Variants in DEAF1 observed in about 807,000 individuals in gnomAD.
DEAF1 encodes DEAF1 transcription factor.
Under a neutral mutation model 58.9 loss-of-function variants are expected in DEAF1, and 53 were observed. That is an observed-to-expected ratio of 0.90 (90% CI 0.72 to 1.13). The LOEUF is 1.13. DEAF1 is among the 50% of genes most tolerant of loss of function. The pLI, the probability that DEAF1 is intolerant of heterozygous loss-of-function variation, is 0.00. For missense variants in DEAF1, 685 were observed against 791.4 expected, an observed-to-expected ratio of 0.87 and a Z score of 1.61; for synonymous variants, 385 against 340.4, an observed-to-expected ratio of 1.13 and a Z score of -1.44.
chr11:659,067 C>A (rs772110353), intron 10 of DEAF1, among the ~76,000 whole-genome samples: 4 of 152,080 alleles, frequency 2.6e-5, no homozygotes, highest in Non-Finnish European at 5.9e-5. Flanking sequence ...ATTCATTATT[C>A]TTTCTGCAAA....
upstream of DEAF1, chr11:695,572 G>A: frequency 8.1e-7 from 1 of 1,232,988 alleles, no homozygotes; most frequent in Admixed American, 4.2e-5. Context: ...GTCAGCCCGA[G>A]GCCGAGCCGA....
intron 11 of DEAF1, among the ~76,000 whole-genome samples, chr11:647,046 C>A (rs918108413): frequency 9.9e-5 from 15 of 152,062 alleles, no homozygotes; most frequent in Admixed American, 5.2e-4. Flanking sequence ...GTGGTCCAAG[C>A]TACTTGGGAG....
At position 694,987 on chromosome 11, in the gene DEAF1, C is replaced by T; in HGVS notation, c.61G>A (p.Ala21Thr). ...LGLAEAAAVAAAAAVAAAAAA... is the reference protein window; with the variant it reads ...LGLAEAAAVATAAAVAAAAAA... ...GCCGCCGCCGCCACAGCGGCCGCGG[C>T]CGCCACCGCCGCCGCCTCAGCCAGG... The change falls in exon 1 of 12, where the codon GCC (alanine) becomes ACC (threonine). Residue 21 changes from alanine (A) to threonine (T), a missense_variant. Physicochemically the swap from Ala to Thr is moderately conservative, Grantham distance 58. Transcript: ENST00000382409. 1 of 1,182,208 alleles carries T rather than the reference C, an allele frequency of 8.5e-7. No homozygotes were observed. The highest frequency in any genetic ancestry group is 1.0e-6 in the Non-Finnish European group (1 of 956,450). The allele number at this position is 1,182,208 out of a possible 1,614,324, so 73.2% of individuals were successfully genotyped here.
Position 688,137 on chromosome 11 carries a change from C to A in DEAF1, c.518-80G>T. 1 of 1,592,514 alleles carries A rather than the reference C, an allele frequency of 6.3e-7. No individual in the cohort carries two copies. The highest frequency in any genetic ancestry group is 1.1e-5 in the South Asian group (1 of 89,588). ...CACTCTCATCTCAGACACCACCTCC[C>A]CGGCAGCGCCACCTCCTTCAACGGC... On this transcript the variant is annotated intron_variant, in intron 3 of 11. Transcript: ENST00000382409. The surrounding 1 kb of genome is among the most constrained non-coding windows in gnomAD (Gnocchi z 4.3).
At chr11:689,185 TTTC>T (rs1860723430) in intron 2 of DEAF1, among the ~76,000 whole-genome samples, 1 of 148,322 alleles carries the variant, frequency 6.7e-6, no homozygotes, top group Admixed American at 7.0e-5. Context: ...AAAACAACTG[TTTC>T]TTTTTTTCTT....
At chr11:682,341 T>G (rs1177138484) in intron 6 of DEAF1, among the ~76,000 whole-genome samples, 2 of 152,210 alleles carry the variant, frequency 1.3e-5, no homozygotes, top group African/African-American at 4.8e-5. Flanking sequence ...GAAGGTCGGT[T>G]TCCCAGATGG....
chr11:644,424 C>G lies in DEAF1; in HGVS notation c.*126G>C. On this transcript the variant is annotated 3_prime_UTR_variant, in exon 12 of 12. Transcript: ENST00000382409. The surrounding 1 kb of genome is among the most constrained non-coding windows in gnomAD (Gnocchi z 4.3). ...TAAAGTGTGTTAATGACTTGTCCAGCAAGTTTCTTTACCTTCCCACACCCC... is the reference window on the plus strand; with the variant it reads ...TAAAGTGTGTTAATGACTTGTCCAGGAAGTTTCTTTACCTTCCCACACCCC... 1 of 755,150 alleles carries G rather than the reference C, an allele frequency of 1.3e-6. No individual in the cohort carries two copies. Among genetic ancestry groups the G allele is most frequent in the South Asian group, 1.5e-5 (1 of 68,078 alleles). 46.8% of individuals were successfully genotyped at this position (755,150 alleles called of 1,614,324 possible).
intron 10 of DEAF1, among the ~76,000 whole-genome samples, chr11:655,879 C>T (rs1859029475): frequency 6.6e-6 from 1 of 152,076 alleles, no homozygotes; most frequent in African/African-American, 2.4e-5. Flanking sequence ...GTCGCCCAGG[C>T]TGGAGTGTAG....
chr11:663,476 T>C (rs1286051062), intron 10 of DEAF1, among the ~76,000 whole-genome samples: 2 of 152,166 alleles, frequency 1.3e-5, no homozygotes, highest in East Asian at 1.9e-4. Context: ...CTGGAGTCAA[T>C]ACCAGGCTTT....
At chr11:704,243 G>A (rs992859064) in intron 1 of DEAF1, 9 of 819,846 alleles carry the variant, frequency 1.1e-5, no homozygotes, top group Middle Eastern at 1.1e-3. Context: ...CTCGGGCCCT[G>A]GCTGCCGGGC....
intron 9 of DEAF1, 36 bp downstream of exon 9, chr11:678,658 A>G: frequency 6.2e-7 from 1 of 1,613,476 alleles, no homozygotes; most frequent in Non-Finnish European, 8.5e-7. Flanking sequence ...TTCTGAGGAC[A>G]ATAACCTGTA....
At chr11:690,356 CAGGGG>C (rs200394805) in intron 2 of DEAF1, among the ~76,000 whole-genome samples, 1 of 4,504 alleles carries the variant, frequency 2.2e-4, no homozygotes, top group Non-Finnish European at 3.9e-4. Context: ...GAGGGGAGGG[CAGGGG>C]AGGGGAGGGC....
chr11:667,893 C>T (rs1376223683), intron 10 of DEAF1, among the ~76,000 whole-genome samples: 7 of 152,266 alleles, frequency 4.6e-5, no homozygotes, highest in African/African-American at 1.7e-4. Flanking sequence ...GGGTGGATCA[C>T]TTGAGCCCAG....
At chr11:703,420 A>G (rs1861590605) in intron 1 of DEAF1, 1 of 1,310,580 alleles carries the variant, frequency 7.6e-7, no homozygotes, top group Non-Finnish European at 9.7e-7. Context: ...GCGCACACTC[A>G]GCCCTGTCAG....
At position 694,434 on chromosome 11, in the gene DEAF1, A is replaced by C. The variant is rs927503272; in HGVS notation, c.289+325T>G. ...GAAACGTCGAGCAGGTGTGCGAGGCAGGTATTTGTGGCAGGTGGGGCAGGC... is the reference window on the plus strand; with the variant it reads ...GAAACGTCGAGCAGGTGTGCGAGGCCGGTATTTGTGGCAGGTGGGGCAGGC... On this transcript the variant is annotated intron_variant, in intron 1 of 11. Transcript: ENST00000382409. 2.2e-5 allele frequency: 5 copies of C among 226,192 alleles called. No homozygotes were observed. The South Asian group carries it at 6.3e-4, about 29-fold the overall frequency. 14.0% of individuals were successfully genotyped at this position (226,192 alleles called of 1,614,324 possible).
At chr11:698,539 T>C (rs1861301702), upstream of DEAF1, among the ~76,000 whole-genome samples, 1 of 152,154 alleles carries the variant, frequency 6.6e-6, no homozygotes. Context: ...CCACAGACAA[T>C]GAGAGCAGCT....
At chr11:687,262 AC>A (rs1472089508) in intron 4 of DEAF1, among the ~76,000 whole-genome samples, 2 of 152,150 alleles carry the variant, frequency 1.3e-5, no homozygotes, top group Non-Finnish European at 2.9e-5. Flanking sequence ...CACCTCTGGT[AC>A]CCACTTCCAG....
At chr11:662,850 CTG>C (rs1387752512) in intron 10 of DEAF1, among the ~76,000 whole-genome samples, 1 of 152,216 alleles carries the variant, frequency 6.6e-6, no homozygotes, top group African/African-American at 2.4e-5. Context: ...GTGCCCATGA[CTG>C]TTCACCATGT....
intron 1 of DEAF1, chr11:703,864 G>A: frequency 8.1e-7 from 1 of 1,236,562 alleles, no homozygotes. Flanking sequence ...AGCAGCGGAG[G>A]GCCACATTCG....
Sources: gnomAD v4.1 joint callset for allele counts (sites outside exome capture counted in the v4.1 genomes callset) on GRCh38, gnomAD v4.1.1 for gene constraint, Gnocchi (gnomAD v3.1) non-coding constraint, MANE v1.5 for transcripts, NCBI Gene and HGNC (gene_info 2026-07-23, HGNC 2026-07-21) for gene names.